TAF1: variants seen among roughly 807,000 people sequenced by gnomAD.
The protein encoded by TAF1 is transcription initiation factor TFIID subunit 1.
A neutral mutation model predicts 138.5 loss-of-function variants in TAF1; 2 were observed. The observed-to-expected ratio is 0.01, with a 90% confidence interval of 0.01 to 0.05. The LOEUF (loss-of-function observed/expected upper bound fraction) is 0.05. Among genes scored for constraint, TAF1 ranks in the 10% least tolerant of loss-of-function variants. The pLI is 1.00. For missense variants in TAF1, 709 were observed against 1,478.0 expected (o/e 0.48, Z 8.53); for synonymous variants, 437 against 503.2 (o/e 0.87, Z 1.76).
chrX:71,523,147 G>A (rs1223428134), intron 13 of TAF1, among the ~76,000 whole-genome samples: 3 of 89,030 alleles, frequency 3.4e-5, no homozygotes, highest in African/African-American at 4.5e-5. Context: ...GTACCACTGC[G>A]CTCCAGCCTG....
intron 32 of TAF1, among the ~76,000 whole-genome samples, chrX:71,444,094 G>A (rs1277839835): frequency 9.0e-6 from 1 of 110,668 alleles, no homozygotes; most frequent in East Asian, 2.8e-4. Flanking sequence ...TGTAACCTTC[G>A]CCTCCCGGGT....
chrX:71,529,931 C>T (rs760812687), exon 15 of TAF1: 12 of 235,287 alleles, frequency 5.1e-5, no homozygotes, highest in Non-Finnish European at 8.8e-5. Flanking sequence ...AAAGTATCCT[C>T]ATCTGGCAGA....
chrX:71,527,538 T>A (rs2040021494), intron 13 of TAF1, among the ~76,000 whole-genome samples: 1 of 111,309 alleles, frequency 9.0e-6, no homozygotes, highest in Non-Finnish European at 1.9e-5. Flanking sequence ...TGCGGCAGAT[T>A]AAGGAGAATC....
intron 13 of TAF1, among the ~76,000 whole-genome samples, chrX:71,384,682 C>T (rs1340101741): frequency 3.6e-5 from 4 of 111,687 alleles, no homozygotes; most frequent in African/African-American, 1.3e-4. Flanking sequence ...TGCTGAGATA[C>T]AGGTATGAGC....
intron 34 of TAF1, among the ~76,000 whole-genome samples, chrX:71,456,701 G>GTTTTTTTTTTT (rs2038316350): frequency 2.3e-5 from 1 of 44,332 alleles, no homozygotes; most frequent in African/African-American, 1.0e-4. Context: ...TTGAGACCGA[G>GTTTTTTTTTTT]TTTTGCTCTT....
intron 28 of TAF1, among the ~76,000 whole-genome samples, chrX:71,419,422 T>C (rs1219933663): frequency 9.1e-6 from 1 of 109,317 alleles, no homozygotes; most frequent in East Asian, 2.9e-4. Flanking sequence ...ACCCCCAAAA[T>C]CAAGGTAGTG....
chrX:71,402,881 G>C lies in TAF1; in HGVS notation c.3998+1142G>C, dbSNP rs758589268. ...TTAATGTAATAATATATAATATTCAGGTCTCATTTAGTCTTCCCTAGTTGT... is the reference window on the plus strand; with the variant it reads ...TTAATGTAATAATATATAATATTCACGTCTCATTTAGTCTTCCCTAGTTGT... On this transcript the variant is annotated intron_variant, in intron 25 of 37. Coordinates refer to ENST00000423759, the MANE Select transcript of TAF1 (RefSeq NM_004606.5). Among the ~76,000 whole-genome samples the C allele has an allele frequency of 6.1e-4, 67 of 110,448 alleles. 1 individual carries two copies. The highest frequency in any genetic ancestry group is 1.1e-3 in the Non-Finnish European group (58 of 52,875).
chrX:71,527,400 A>AG lies in TAF1; in HGVS notation c.1367-1142_1367-1141insG, dbSNP rs1170113801. Among the ~76,000 whole-genome samples the AG allele has an allele frequency of 2.3e-3, 257 of 109,916 alleles. 2 individuals carry two copies. The Middle Eastern group carries it at 0.028, about 12-fold the overall frequency. ...AAACTCCGTCTCAAAAAAAAAAAAA[A>AG]AAAAGAAAAGAAAAATTTCATTCAA... is the stretch of plus-strand genomic sequence containing the variant. On this transcript the variant is annotated intron_variant and NMD_transcript_variant, in intron 13 of 14. Transcript: ENST00000373775.
At position 71,398,516 on chromosome X, in the gene TAF1, T is replaced by G. The variant is rs763855102; in HGVS notation, c.3621-56T>G. On this transcript the variant is annotated intron_variant, in intron 23 of 37. Transcript: ENST00000423759. ...TTAGCTATCACGATAGTCTTCTTGGTTAAGGTTTGCTTATGGTCCTGTGAT... is the reference window on the plus strand; with the variant it reads ...TTAGCTATCACGATAGTCTTCTTGGGTAAGGTTTGCTTATGGTCCTGTGAT... 1.3e-5 allele frequency: 15 copies of G among 1,186,381 alleles called. No individual in the cohort carries two copies. The South Asian group carries it at 1.5e-4, about 12-fold the overall frequency.
intron 13 of TAF1, among the ~76,000 whole-genome samples, chrX:71,475,744 C>T (rs961785243): frequency 9.0e-6 from 1 of 110,663 alleles, no homozygotes; most frequent in Admixed American, 9.7e-5. Flanking sequence ...ATATAGTAAA[C>T]ATGTTGATAT....
At chrX:71,507,426 C>T (rs2039648013) in intron 13 of TAF1, among the ~76,000 whole-genome samples, 2 of 110,310 alleles carry the variant, frequency 1.8e-5, no homozygotes, top group African/African-American at 6.6e-5. Flanking sequence ...GATGAGATGT[C>T]ACTATGTTGC....
At position 71,383,158 on chromosome X, in the gene TAF1, G is replaced by A. The variant is rs1012247373; in HGVS notation, c.1941G>A (p.Lys647=). The change falls in exon 12 of 38, where the codon AAG becomes AAA. Residue 647 remains lysine, a synonymous_variant. Coordinates refer to ENST00000423759, the MANE Select transcript of TAF1 (RefSeq NM_004606.5). ...VQPLLKHIKK[K]AKMREQERQA... is the part of the protein sequence containing the mutation. The stretch of plus-strand genomic sequence containing the variant: ...CTTTGCTAAAGCACATCAAAAAAAA[G>A]GCCAAGGTATAATTGAATTCTGGTT... 1 of 1,206,299 alleles carries A rather than the reference G, an allele frequency of 8.3e-7. No homozygotes were observed. The highest frequency in any genetic ancestry group is 1.8e-5 in the African/African-American group (1 of 56,854).
intron 25 of TAF1, among the ~76,000 whole-genome samples, chrX:71,402,488 C>G (rs2035232148): frequency 8.9e-6 from 1 of 112,059 alleles, no homozygotes; most frequent in African/African-American, 3.2e-5. Context: ...ATTCTCCCAC[C>G]TCGGCCTCCC....
chrX:71,386,764 G>A (rs763219988), intron 14 of TAF1, among the ~76,000 whole-genome samples: 16 of 112,881 alleles, frequency 1.4e-4, no homozygotes, highest in Admixed American at 5.6e-4. Flanking sequence ...TGTGCCCGGC[G>A]TTGTTTTGTT....
intron 13 of TAF1, among the ~76,000 whole-genome samples, chrX:71,514,514 G>C (rs73544842): frequency 7.8e-4 from 84 of 107,110 alleles, no homozygotes; most frequent in African/African-American, 2.8e-3. Context: ...GCCTGAGGGA[G>C]CAGAAAGGAG....
chrX:71,395,805 A>G (rs1466353773), intron 22 of TAF1, among the ~76,000 whole-genome samples: 1 of 111,398 alleles, frequency 9.0e-6, no homozygotes, highest in Non-Finnish European at 1.9e-5. Context: ...CAGTATCTGT[A>G]TCATTTGGGA....
At chrX:71,466,122 G>A (rs1296405736), downstream of TAF1, 2 of 111,892 alleles carry the variant, frequency 1.8e-5, no homozygotes, top group Non-Finnish European at 3.8e-5. Context: ...AGATCTTTAG[G>A]GAGTAGGACT....
intron 13 of TAF1, among the ~76,000 whole-genome samples, chrX:71,498,976 T>G (rs1180730450): frequency 9.0e-6 from 1 of 111,100 alleles, no homozygotes; most frequent in Admixed American, 9.6e-5. Flanking sequence ...TGGCCCTCAA[T>G]AGTTAAACAT....
chrX:71,459,398 A>C, intron 35 of TAF1, 154 bp from the exon 36 acceptor site: 1 of 1,030,679 alleles, frequency 9.7e-7, no homozygotes, highest in Non-Finnish European at 1.3e-6. Context: ...GGACCAACTA[A>C]ACAGTCTATC....
Sources: gnomAD v4.1 joint callset for allele counts (sites outside exome capture counted in the v4.1 genomes callset) on GRCh38, gnomAD v4.1.1 for gene constraint, MANE v1.5 for transcripts, NCBI Gene and HGNC (gene_info 2026-07-23, HGNC 2026-07-21) for gene names.